Variants in LAMB4 observed in about 807,000 individuals in gnomAD.
LAMB4 encodes laminin subunit beta-4.
A neutral mutation model predicts 199.2 loss-of-function variants in LAMB4; 196 were observed. The observed-to-expected ratio is 0.98, with a 90% CI of 0.88 to 1.11. The LOEUF is 1.11. LAMB4 is among the 50% of genes least tolerant of loss of function. The pLI is 0.00. For missense variants in LAMB4, 2,080 were observed against 2,171.2 expected, an observed-to-expected ratio of 0.96 and a Z score of 0.83; for synonymous variants, 744 against 770.6, an observed-to-expected ratio of 0.97 and a Z score of 0.57.
intron 6 of LAMB4, 74 bp downstream of exon 6, chr7:108,107,557 G>A (rs1460566832): frequency 4.9e-6 from 6 of 1,226,866 alleles, no homozygotes; most frequent in East Asian, 2.6e-5. Flanking sequence ...ACTATCGAAA[G>A]TTTTTCATTT....
At chr7:108,127,950 T>C (rs545969872) in intron 1 of LAMB4, among the ~76,000 whole-genome samples, 1 of 152,230 alleles carries the variant, frequency 6.6e-6, no homozygotes, top group Admixed American at 6.5e-5. Context: ...AGACCTGTGG[T>C]CTAAAAGGAA....
chr7:108,091,768 G>C lies in LAMB4; in HGVS notation c.1559C>G (p.Pro520Arg). The change falls in exon 14 of 34, where the codon CCC (proline) becomes CGC (arginine). Residue 520 changes from proline (P) to arginine (R), a missense_variant. Pro to Arg is a moderately radical substitution (Grantham distance 103). Coordinates refer to ENST00000388781, the MANE Select transcript of LAMB4 (RefSeq NM_007356.3). ...IGGAYSNVCS[P>R]KNGQCECRPH... ...GCGGCATTCACACTGCCCATTCTTG[G>C]GTGAGCACCTGAGGAAAAAGCAATT... 6.2e-7 allele frequency: 1 copy of C among 1,613,604 alleles called. No individual in the cohort carries two copies. The highest frequency in any genetic ancestry group is 1.3e-5 in the African/African-American group (1 of 74,998).
At chr7:108,088,342 T>A (rs761849160) in intron 14 of LAMB4, among the ~76,000 whole-genome samples, 19 of 152,296 alleles carry the variant, frequency 1.2e-4, no homozygotes, top group Non-Finnish European at 2.4e-4. Flanking sequence ...TTTGTATTTT[T>A]AGTAGAGACG....
intron 17 of LAMB4, among the ~76,000 whole-genome samples, chr7:108,070,879 C>T (rs756741885): frequency 2.6e-5 from 4 of 152,088 alleles, no homozygotes; most frequent in Admixed American, 6.5e-5. Flanking sequence ...GAGCATATGT[C>T]GTTACCTCCT....
intron 1 of LAMB4, among the ~76,000 whole-genome samples, chr7:108,127,473 A>G (rs974754129): frequency 6.6e-6 from 1 of 152,206 alleles, no homozygotes; most frequent in African/African-American, 2.4e-5. Flanking sequence ...AGCGTAGTCC[A>G]TGGACTTAAT....
At chr7:108,041,402 C>A (rs2035417686) in intron 29 of LAMB4, among the ~76,000 whole-genome samples, 1 of 152,126 alleles carries the variant, frequency 6.6e-6, no homozygotes, top group Non-Finnish European at 1.5e-5. Flanking sequence ...TGGGTATATA[C>A]CCAAAGGGTT....
intron 11 of LAMB4, among the ~76,000 whole-genome samples, chr7:108,096,234 C>T (rs2037590938): frequency 6.6e-6 from 1 of 152,200 alleles, no homozygotes; most frequent in South Asian, 2.1e-4. Context: ...CTGGGTACCT[C>T]ATATAAGTGG....
intron 8 of LAMB4, 28 bp downstream of exon 8, chr7:108,105,789 C>A: frequency 6.3e-7 from 1 of 1,593,770 alleles, no homozygotes; most frequent in Non-Finnish European, 8.6e-7. Context: ...GTAGGACAGC[C>A]CACTGTTCTT....
chr7:108,062,789 A>C lies in LAMB4; in HGVS notation c.3267T>G (p.Ser1089Arg). Residue 1089 changes from serine to arginine, a missense_variant, in exon 23 of 34, where the codon AGT (serine) becomes AGG (arginine). Ser to Arg is a moderately radical substitution (Grantham distance 110, BLOSUM62 -1). Coordinates refer to ENST00000388781, the MANE Select transcript of LAMB4 (RefSeq NM_007356.3). ...SCDCDPRTSQSSHCDQLTGQC... is the reference protein window; with the variant it reads ...SCDCDPRTSQRSHCDQLTGQC... ...AGTATCTTGCCTGGTCACAGTGGCT[A>C]CTTTGAGAGGTCCTAGGGTCACAGT... 7.0e-7 allele frequency: 1 copy of C among 1,437,498 alleles called. No homozygotes were observed. Among genetic ancestry groups the C allele is most frequent in the Admixed American group, 2.7e-5 (1 of 37,488 alleles). 89.0% of individuals were successfully genotyped at this position (1,437,498 alleles called of 1,614,324 possible). A position where few individuals can be genotyped will look rare whatever the true frequency, so the allele number is the denominator to read the frequency against.
At chr7:108,068,472 A>C (rs1411522459) in intron 18 of LAMB4, among the ~76,000 whole-genome samples, 1 of 152,174 alleles carries the variant, frequency 6.6e-6, no homozygotes, top group African/African-American at 2.4e-5. Context: ...GGCATTCTTA[A>C]TACTTCAATT....
intron 7 of LAMB4, 96 bp downstream of exon 7, chr7:108,106,413 G>T (rs142148626): frequency 1.4e-6 from 1 of 737,348 alleles, no homozygotes; most frequent in East Asian, 2.8e-5. Flanking sequence ...GCAAGACTCC[G>T]TCTCAAGAAA....
intron 28 of LAMB4, among the ~76,000 whole-genome samples, chr7:108,047,646 G>C (rs989523404): frequency 7.2e-5 from 11 of 152,112 alleles, no homozygotes; most frequent in African/African-American, 2.4e-4. Flanking sequence ...TTGTAGAGTG[G>C]AGGCTTGGTG....
In LAMB4 at chr7:108,043,893, C is replaced by T. The variant is rs137871248; in HGVS notation, c.4330G>A (p.Glu1444Lys). The part of the protein sequence containing the change: ...KQVRGLKNQI[E>K]SISEQAEVSK... ...ACTTCTGCCTGTTCACTTATACTTT[C>T]GATCTGGAATGAGAAAAACACAATG... Residue 1444 changes from glutamate (E) to lysine (K), a missense_variant, in exon 29 of 34, where the codon GAA becomes AAA. Coordinates refer to ENST00000388781, the MANE Select transcript of LAMB4 (RefSeq NM_007356.3). 149 of 1,596,096 alleles carry T rather than the reference C, an allele frequency of 9.3e-5. No homozygotes were observed. The highest frequency in any genetic ancestry group is 2.3e-5 in the East Asian group (1 of 44,062).
Position 108,106,006 on chromosome 7 carries a change from C to T in LAMB4, c.681G>A (p.Arg227=). The T allele has an allele frequency of 4.3e-6, 7 of 1,613,930 alleles. No homozygotes were observed. The highest frequency in any genetic ancestry group is 1.1e-5 in the South Asian group (1 of 91,042). ...IQDLVTLTNL[R]INFTKLHTLG... is the part of the protein sequence containing the mutation. ...GGGTGTGGAGCTTGGTAAAGTTTATCCTCAGGTTTGTCAATGTCACAAGGT... is the reference window on the plus strand; with the variant it reads ...GGGTGTGGAGCTTGGTAAAGTTTATTCTCAGGTTTGTCAATGTCACAAGGT... The change falls in exon 8 of 34, where the codon AGG becomes AGA. Residue 227 remains arginine (R), a synonymous_variant. Coordinates refer to ENST00000388781, the MANE Select transcript of LAMB4 (RefSeq NM_007356.3).
At chr7:108,120,844 G>A (rs1432097364) in intron 2 of LAMB4, among the ~76,000 whole-genome samples, 1 of 151,974 alleles carries the variant, frequency 6.6e-6, no homozygotes, top group African/African-American at 2.4e-5. Flanking sequence ...GATTTAACAT[G>A]TTTTTATAAC....
chr7:108,099,557 CA>C (rs2037746043), intron 10 of LAMB4, among the ~76,000 whole-genome samples: 1 of 152,100 alleles, frequency 6.6e-6, no homozygotes, highest in African/African-American at 2.4e-5. Flanking sequence ...GTATGGATGA[CA>C]AATGTGTTGT....
At chr7:108,126,193 C>T (rs1287475283) in intron 1 of LAMB4, among the ~76,000 whole-genome samples, 7 of 152,082 alleles carry the variant, frequency 4.6e-5, no homozygotes. Context: ...TAATGACTTC[C>T]TTTTTGAAAT....
intron 1 of LAMB4, among the ~76,000 whole-genome samples, chr7:108,123,539 T>G (rs1232269866): frequency 2.6e-5 from 4 of 152,186 alleles, no homozygotes; most frequent in African/African-American, 9.7e-5. Context: ...TAATACATAC[T>G]TATTATAGAA....
In LAMB4 at chr7:108,106,413, G is replaced by A. The variant is rs142148626; in HGVS notation, c.655+96C>T. 1.6e-3 allele frequency: 1,209 copies of A among 737,342 alleles called. 7 individuals are homozygous for A. The African/African-American group carries it at 0.021, about 13-fold the overall frequency. The allele number at this position is 737,342 out of a possible 1,614,324, so 45.7% of individuals were successfully genotyped here. ...AGCCTGGATGACAGGGCAAGACTCCGTCTCAAGAAAAAAAAAAAAGAAAAG... is the reference window on the plus strand; with the variant it reads ...AGCCTGGATGACAGGGCAAGACTCCATCTCAAGAAAAAAAAAAAAGAAAAG... On this transcript the variant is annotated intron_variant, in intron 7 of 33. Coordinates refer to ENST00000388781, the MANE Select transcript of LAMB4 (RefSeq NM_007356.3).
Sources: allele counts gnomAD v4.1 joint callset (sites outside exome capture counted in the v4.1 genomes callset), GRCh38; gene constraint gnomAD v4.1.1; transcripts MANE v1.5; gene names NCBI Gene and HGNC (gene_info 2026-07-23, HGNC 2026-07-21).